Variants in NUP54 observed in about 807,000 individuals in gnomAD.
The protein encoded by NUP54 is nucleoporin 54.
NUP54 carries 27 observed loss-of-function variants against 66.4 expected under a neutral mutation model. The ratio of observed to expected loss-of-function variants is 0.41; its 90% CI spans 0.30 to 0.56. The LOEUF (loss-of-function observed/expected upper bound fraction) is 0.56. Among genes scored for constraint, NUP54 ranks in the 20% least tolerant of loss-of-function variants. The probability of loss-of-function intolerance (pLI) is 0.34; values close to 1 mark genes in which losing one functional copy is unlikely to be tolerated. For synonymous variants in NUP54, 206 were observed against 210.7 expected, an observed-to-expected ratio of 0.98 and a Z score of 0.19; for missense variants, 486 against 596.3, an observed-to-expected ratio of 0.82 and a Z score of 1.93.
chr4:76,131,209 AC>A lies in NUP54; in HGVS notation c.962+20del, dbSNP rs752422293. On this transcript the variant is annotated intron_variant, in intron 7 of 11. Transcript: ENST00000264883. ...TAGCAAATATTAGTTCTTAAATGAAACAAGATGAAGACATACTTACTTTTCA... is the reference window on the plus strand; with the variant it reads ...TAGCAAATATTAGTTCTTAAATGAAAAAGATGAAGACATACTTACTTTTCA... The A allele has an allele frequency of 6.6e-7, 1 of 1,521,890 alleles. No homozygotes were observed. The highest frequency in any genetic ancestry group is 9.1e-7 in the Non-Finnish European group (1 of 1,104,826). The allele number at this position is 1,521,890 out of a possible 1,614,324, so 94.3% of individuals were successfully genotyped here.
intron 3 of NUP54, among the ~76,000 whole-genome samples, chr4:76,143,690 T>G (rs11725016): frequency 0.13 from 20,033 of 152,238 alleles, 1,549 homozygotes; most frequent in East Asian, 0.35. Context: ...GTTTACATAC[T>G]TGAATGACAA....
At chr4:76,131,322 T>C (rs1446678180) in intron 6 of NUP54, 38 bp from the exon 7 acceptor site, 3 of 1,321,454 alleles carry the variant, frequency 2.3e-6, no homozygotes, top group Non-Finnish European at 3.2e-6. Context: ...AAAACAATTT[T>C]CTATTTTTAT....
rs1297927710 is a variant in NUP54 at position 76,114,910 on chromosome 4, A to G, written c.*456T>C. The G allele has an allele frequency of 6.6e-6, 1 of 152,378 alleles. No individual in the cohort carries two copies. The highest frequency in any genetic ancestry group is 2.4e-5 in the African/African-American group (1 of 41,474). The allele number at this position is 152,378 out of a possible 1,614,324, so 9.4% of individuals were successfully genotyped here. A position where few individuals can be genotyped will look rare whatever the true frequency, so the allele number is the denominator to read the frequency against. On this transcript the variant is annotated 3_prime_UTR_variant, in exon 12 of 12. Transcript: ENST00000264883. ...TACTCCTCCCACAGATGAGTTCACA[A>G]ATACAAAAACTGGTGTACATTTATA...
At chr4:76,136,019 G>T (rs1731023996) in intron 4 of NUP54, among the ~76,000 whole-genome samples, 167 bp downstream of exon 4, 1 of 151,992 alleles carries the variant, frequency 6.6e-6, no homozygotes, top group Admixed American at 6.6e-5. Flanking sequence ...CCACACATAT[G>T]TATGAAATCA....
At chr4:76,122,777 A>G (rs1393633654) in intron 9 of NUP54, among the ~76,000 whole-genome samples, 1 of 152,224 alleles carries the variant, frequency 6.6e-6, no homozygotes, top group African/African-American at 2.4e-5. Context: ...AATATTATTC[A>G]TAATAGCCAA....
intron 3 of NUP54, among the ~76,000 whole-genome samples, chr4:76,142,895 C>T (rs796598337): frequency 6.6e-6 from 1 of 152,204 alleles, no homozygotes; most frequent in Non-Finnish European, 1.5e-5. Context: ...TGCTAGATAA[C>T]CAACTCTTTA....
rs115583024 is a variant in NUP54 at position 76,131,638 on chromosome 4, T to C, written c.908-354A>G. Among the ~76,000 whole-genome samples, 271 of 151,948 alleles carry C rather than the reference T, an allele frequency of 1.8e-3. 1 individual carries two copies. Among genetic ancestry groups the C allele is most frequent in the African/African-American group, 6.3e-3 (261 of 41,552 alleles). ...CTAATAAACATATTAAAAATAAGTA[T>C]TAATTTTTAAATTAATTATTTTGCC... On this transcript the variant is annotated intron_variant, in intron 6 of 11. Transcript: ENST00000264883.
At chr4:76,138,017 A>G (rs1023912383) in intron 3 of NUP54, among the ~76,000 whole-genome samples, 2 of 152,228 alleles carry the variant, frequency 1.3e-5, no homozygotes, top group Non-Finnish European at 2.9e-5. Flanking sequence ...GAGTTTTAAA[A>G]CACTGTATTA....
chr4:76,123,249 G>A (rs1730310341), intron 9 of NUP54, among the ~76,000 whole-genome samples: 1 of 152,238 alleles, frequency 6.6e-6, no homozygotes, highest in East Asian at 1.9e-4. Flanking sequence ...AAATGAAGCT[G>A]TATAAATTAT....
At chr4:76,133,587 G>A (rs977772056) in intron 5 of NUP54, among the ~76,000 whole-genome samples, 5 of 152,116 alleles carry the variant, frequency 3.3e-5, no homozygotes, top group African/African-American at 7.2e-5. Context: ...GATTACAGGC[G>A]TGAGCCACCG....
intron 1 of NUP54, among the ~76,000 whole-genome samples, chr4:76,146,936 T>C (rs1403153089): frequency 2.0e-5 from 3 of 152,216 alleles, no homozygotes; most frequent in African/African-American, 7.2e-5. Flanking sequence ...TTTCTATAAT[T>C]ACAAATCTTA....
At chr4:76,140,348 C>T (rs961973390) in intron 3 of NUP54, among the ~76,000 whole-genome samples, 2 of 143,886 alleles carry the variant, frequency 1.4e-5, no homozygotes, top group Admixed American at 7.2e-5. Flanking sequence ...TCCAGTGGTG[C>T]GATCTCAGCT....
At chr4:76,147,728 G>C in intron 1 of NUP54, 1 of 1,057,168 alleles carries the variant, frequency 9.5e-7, no homozygotes, top group Non-Finnish European at 1.2e-6. Context: ...AGAAGAATCA[G>C]CAGGAGGTTT....
rs199844581 is a variant in NUP54, at chr4:76,147,878, C to CA, written c.67+429dup. The CA allele has an allele frequency of 4.2e-3, 1,332 of 316,366 alleles. 11 individuals carry two copies. The highest frequency in any genetic ancestry group is 0.027 in the African/African-American group (1,256 of 46,626). 19.6% of individuals were successfully genotyped at this position (316,366 alleles called of 1,614,324 possible). A position where few individuals can be genotyped will look rare whatever the true frequency, so the allele number is the denominator to read the frequency against. On this transcript the variant is annotated intron_variant, in intron 1 of 11. Transcript: ENST00000264883. Reference sequence around the variant, plus strand: ...GGGCCGGGGGTGGAACTAAGGGAGTCAATGGGCAGTGCCGGTGGATCCCCA... The same window carrying CA: ...GGGCCGGGGGTGGAACTAAGGGAGTCAAATGGGCAGTGCCGGTGGATCCCCA...
intron 8 of NUP54, among the ~76,000 whole-genome samples, chr4:76,125,348 ACACG>A (rs1730434129): frequency 6.7e-6 from 1 of 148,786 alleles, no homozygotes; most frequent in African/African-American, 2.5e-5. Flanking sequence ...ACACACACAC[ACACG>A]GCTGGGCACA....
chr4:76,141,916 G>A (rs1731283254), intron 3 of NUP54, among the ~76,000 whole-genome samples: 1 of 151,910 alleles, frequency 6.6e-6, no homozygotes, highest in Admixed American at 6.6e-5. Context: ...TAGTTATACT[G>A]GTCCCAAAGG....
intron 3 of NUP54, among the ~76,000 whole-genome samples, chr4:76,140,036 T>TTTG (rs1003447771): frequency 6.6e-6 from 1 of 152,146 alleles, no homozygotes; most frequent in African/African-American, 2.4e-5. Flanking sequence ...TTAAAGTAGT[T>TTTG]TTGTTGTTGT....
chr4:76,125,055 C>T (rs1004279856), intron 8 of NUP54, among the ~76,000 whole-genome samples: 4 of 151,828 alleles, frequency 2.6e-5, no homozygotes, highest in African/African-American at 9.7e-5. Context: ...TTTGGGAGGA[C>T]GAGGCAGGCA....
intron 3 of NUP54, among the ~76,000 whole-genome samples, chr4:76,140,004 G>A (rs1324686958): frequency 6.6e-6 from 1 of 152,232 alleles, no homozygotes; most frequent in Non-Finnish European, 1.5e-5. Context: ...GAGGAGAGTG[G>A]TAGCTGAAGT....
Sources: gnomAD v4.1 joint callset for allele counts (sites outside exome capture counted in the v4.1 genomes callset) on GRCh38, gnomAD v4.1.1 for gene constraint, MANE v1.5 for transcripts, NCBI Gene and HGNC (gene_info 2026-07-23, HGNC 2026-07-21) for gene names.